FSTL5: variants seen among roughly 807,000 people sequenced by gnomAD.
FSTL5 encodes follistatin like 5, also known as follistatin-related protein 5.
Under a neutral mutation model 89.1 loss-of-function variants are expected in FSTL5, and 62 were observed. The ratio of observed to expected loss-of-function variants is 0.70; its 90% CI spans 0.57 to 0.86. FSTL5 has a LOEUF of 0.86. Among genes scored for constraint, FSTL5 ranks in the 40% least tolerant of loss-of-function variants. The probability of loss-of-function intolerance (pLI) is 0.00; values close to 1 mark genes in which losing one functional copy is unlikely to be tolerated. For missense variants in FSTL5, 1,057 were observed against 1,001.6 expected, an observed-to-expected ratio of 1.06 and a Z score of -0.75; for synonymous variants, 383 against 346.2, an observed-to-expected ratio of 1.11 and a Z score of -1.18.
intron 6 of FSTL5, among the ~76,000 whole-genome samples, chr4:161,656,894 G>A (rs916866758): frequency 6.6e-6 from 1 of 151,590 alleles, no homozygotes; most frequent in Non-Finnish European, 1.5e-5. Context: ...CTGCTGGCTT[G>A]CAGTAGACGG....
intron 4 of FSTL5, among the ~76,000 whole-genome samples, chr4:161,778,121 C>T (rs1035010953): frequency 8.3e-6 from 1 of 120,862 alleles, no homozygotes; most frequent in Non-Finnish European, 1.8e-5. Context: ...CACACACACA[C>T]ACAAAAGGAA....
chr4:161,694,460 T>C (rs1386845036), intron 6 of FSTL5, among the ~76,000 whole-genome samples: 1 of 152,068 alleles, frequency 6.6e-6, no homozygotes, highest in Admixed American at 6.5e-5. Context: ...GTTTTTTTTA[T>C]AATTTCTGTT....
At chr4:161,561,128 A>T (rs988577254) in intron 8 of FSTL5, among the ~76,000 whole-genome samples, 9 of 151,992 alleles carry the variant, frequency 5.9e-5, no homozygotes, top group African/African-American at 1.9e-4. Context: ...TTATAAGACC[A>T]CTATCTTACA....
chr4:161,964,440 A>G (rs138221952), intron 3 of FSTL5, among the ~76,000 whole-genome samples: 97 of 152,198 alleles, frequency 6.4e-4, no homozygotes, highest in African/African-American at 2.2e-3. Flanking sequence ...AAAATCACAT[A>G]GTGCAATGAG....
At chr4:161,982,978 A>G (rs1393362079) in intron 3 of FSTL5, among the ~76,000 whole-genome samples, 2 of 152,178 alleles carry the variant, frequency 1.3e-5, no homozygotes, top group Non-Finnish European at 2.9e-5. Context: ...TTCAAATCCA[A>G]CCCACATGCT....
chr4:161,907,971 T>C (rs2110818084), intron 4 of FSTL5, among the ~76,000 whole-genome samples: 1 of 152,166 alleles, frequency 6.6e-6, no homozygotes, highest in Admixed American at 6.6e-5. Flanking sequence ...AAAAATTGGA[T>C]GTCCATGAAT....
chr4:161,404,821 AT>A (rs977251134), intron 15 of FSTL5, among the ~76,000 whole-genome samples: 1 of 151,980 alleles, frequency 6.6e-6, no homozygotes, highest in African/African-American at 2.4e-5. Flanking sequence ...TATGCAATAT[AT>A]AAAAAAAAAC....
At chr4:161,696,519 A>G (rs555936548) in intron 6 of FSTL5, among the ~76,000 whole-genome samples, 1 of 152,192 alleles carries the variant, frequency 6.6e-6, no homozygotes, top group South Asian at 2.1e-4. Flanking sequence ...GAATTGCATT[A>G]ATTTGTAGAT....
At chr4:161,512,286 G>T (rs1560931529) in intron 10 of FSTL5, among the ~76,000 whole-genome samples, 1 of 152,048 alleles carries the variant, frequency 6.6e-6, no homozygotes, top group South Asian at 2.1e-4. Context: ...TGTGTTAGAT[G>T]TATTCAGCAC....
intron 2 of FSTL5, among the ~76,000 whole-genome samples, chr4:162,092,101 T>C (rs1336202762): frequency 6.6e-6 from 1 of 152,076 alleles, no homozygotes; most frequent in Non-Finnish European, 1.5e-5. Flanking sequence ...GGTACATTAA[T>C]ACAATGGTTG....
intron 1 of FSTL5, among the ~76,000 whole-genome samples, chr4:162,136,068 G>C (rs1732508305): frequency 6.6e-6 from 1 of 151,826 alleles, no homozygotes; most frequent in Non-Finnish European, 1.5e-5. Context: ...ATGTGACTGA[G>C]TACTGTAGTT....
chr4:161,446,588 A>G (rs1219482607), intron 15 of FSTL5, among the ~76,000 whole-genome samples: 5 of 152,054 alleles, frequency 3.3e-5, no homozygotes, highest in Non-Finnish European at 7.4e-5. Context: ...AAAAACCTCA[A>G]TGTACATTAT....
intron 3 of FSTL5, among the ~76,000 whole-genome samples, chr4:161,977,639 A>AAAAAAAAAAAAAAAATAAT (rs1553988132): frequency 9.9e-6 from 1 of 101,246 alleles, no homozygotes; most frequent in Non-Finnish European, 1.9e-5. Context: ...AAAAAAAAAA[A>AAAAAAAAAAAAAAAATAAT]AATAATAATA....
chr4:161,656,357 GA>G lies in FSTL5; in HGVS notation c.864del (p.Leu289Ter). The G allele has an allele frequency of 6.3e-7, 1 of 1,594,240 alleles. No homozygotes were observed. Among genetic ancestry groups the G allele is most frequent in the Non-Finnish European group, 8.6e-7 (1 of 1,164,856 alleles). ...ATGTCTTCCAAATCTAAATTATTTAGAATAATATTGTTCCTTTTCCAGATAA... is the reference window on the plus strand; with the variant it reads ...ATGTCTTCCAAATCTAAATTATTTAGATAATATTGTTCCTTTTCCAGATAA... ...PPIIWKRNNIILNNLDLEDIN... is the reference protein window; with the variant it reads ...PPIIWKRNNIXLNNLDLEDIN... On this transcript the variant is annotated frameshift_variant, in exon 7 of 16. Coordinates refer to ENST00000306100, the MANE Select transcript of FSTL5 (RefSeq NM_020116.5). LOFTEE classifies it high-confidence loss of function.
intron 4 of FSTL5, among the ~76,000 whole-genome samples, chr4:161,776,312 GA>G (rs1460056235): frequency 6.6e-6 from 1 of 152,006 alleles, no homozygotes; most frequent in Non-Finnish European, 1.5e-5. Context: ...TGTTTATGAG[GA>G]AGGCATAGAT....
chr4:161,425,129 G>A (rs2126324321), intron 15 of FSTL5, among the ~76,000 whole-genome samples: 1 of 152,292 alleles, frequency 6.6e-6, no homozygotes, highest in South Asian at 2.1e-4. Flanking sequence ...TTGTCAGAAT[G>A]TGGTAGAATA....
At chr4:161,890,009 T>C (rs933996062) in intron 4 of FSTL5, among the ~76,000 whole-genome samples, 2 of 152,196 alleles carry the variant, frequency 1.3e-5, no homozygotes, top group African/African-American at 4.8e-5. Flanking sequence ...TCAGTGCCAA[T>C]AATGAAGACA....
At chr4:161,554,693 A>G (rs1044472227) in intron 8 of FSTL5, among the ~76,000 whole-genome samples, 1 of 151,620 alleles carries the variant, frequency 6.6e-6, no homozygotes, top group African/African-American at 2.4e-5. Context: ...TATTCTTTTG[A>G]AGAATTCTAT....
chr4:161,759,620 T>C lies in FSTL5; in HGVS notation c.607-89A>G, dbSNP rs936323819. On this transcript the variant is annotated intron_variant, in intron 5 of 15. Coordinates refer to ENST00000306100, the MANE Select transcript of FSTL5 (RefSeq NM_020116.5). ...ATTATATGTAATAATCACATAATAG[T>C]TCATTTCATGTCTGCAGCAGGGCAA... The C allele has an allele frequency of 1.7e-5, 14 of 817,418 alleles. No individual in the cohort carries two copies. In the African/African-American group the frequency reaches 2.0e-4, roughly 12 times the overall value. 50.6% of individuals were successfully genotyped at this position (817,418 alleles called of 1,614,324 possible). A position where few individuals can be genotyped will look rare whatever the true frequency, so the allele number is the denominator to read the frequency against.
Sources: allele counts gnomAD v4.1 joint callset (sites outside exome capture counted in the v4.1 genomes callset), GRCh38; gene constraint gnomAD v4.1.1; transcripts MANE v1.5; gene names NCBI Gene and HGNC (gene_info 2026-07-23, HGNC 2026-07-21).